Variants in GRM5 observed in about 807,000 individuals in gnomAD.
GRM5 encodes the protein glutamate metabotropic receptor 5.
Under a neutral mutation model 83.1 loss-of-function variants are expected in GRM5, and 19 were observed. That is an observed-to-expected ratio of 0.23 (90% CI 0.16 to 0.34). GRM5 has a LOEUF of 0.34. Ranked by LOEUF, GRM5 falls within the 10% of genes least tolerant of loss-of-function variation. The pLI, the probability that GRM5 is intolerant of heterozygous loss-of-function variation, is 1.00. For synonymous variants in GRM5, 675 were observed against 633.6 expected (o/e 1.07, Z -0.98); for missense variants, 1,160 against 1,588.3 (o/e 0.73, Z 4.58).
At chr11:88,540,913 A>AT (rs556487889) in intron 8 of GRM5, among the ~76,000 whole-genome samples, 2,082 of 147,432 alleles carry the variant, frequency 0.014, 75 homozygotes, top group Admixed American at 0.072. Flanking sequence ...CGCCTGGTTA[A>AT]TTTTTTTTTT....
At chr11:89,017,044 C>T (rs1940876779) in intron 2 of GRM5, among the ~76,000 whole-genome samples, 1 of 152,158 alleles carries the variant, frequency 6.6e-6, no homozygotes, top group South Asian at 2.1e-4. Flanking sequence ...TTTATGACTA[C>T]ACAGAGGTAG....
chr11:88,885,180 G>T (rs980584835), intron 2 of GRM5, among the ~76,000 whole-genome samples: 1 of 151,650 alleles, frequency 6.6e-6, no homozygotes, highest in Non-Finnish European at 1.5e-5. Context: ...GTTTAAATCA[G>T]TTTAAATATA....
chr11:88,769,835 C>T (rs1942695478), intron 3 of GRM5, among the ~76,000 whole-genome samples: 1 of 151,944 alleles, frequency 6.6e-6, no homozygotes, highest in South Asian at 2.1e-4. Context: ...AATGCTTCAT[C>T]CTAAAGGAGG....
At chr11:88,690,271 C>T (rs11020963) in intron 3 of GRM5, among the ~76,000 whole-genome samples, 22,093 of 152,040 alleles carry the variant, frequency 0.15, 2,012 homozygotes, top group Middle Eastern at 0.21. Flanking sequence ...TTGCTTTACC[C>T]TGAATTTCAG....
At chr11:88,554,142 T>C (rs1942571816) in intron 8 of GRM5, among the ~76,000 whole-genome samples, 1 of 152,166 alleles carries the variant, frequency 6.6e-6, no homozygotes, top group Non-Finnish European at 1.5e-5. Flanking sequence ...GCTACATTCC[T>C]TTCTGGAGGC....
intron 3 of GRM5, among the ~76,000 whole-genome samples, chr11:88,848,856 T>C (rs112686491): frequency 6.6e-6 from 1 of 152,174 alleles, no homozygotes; most frequent in Non-Finnish European, 1.5e-5. Context: ...CCCTCTCTAA[T>C]ATGGATGGAC....
chr11:88,845,654 T>C (rs2135535385), intron 3 of GRM5, among the ~76,000 whole-genome samples: 1 of 151,822 alleles, frequency 6.6e-6, no homozygotes, highest in South Asian at 2.1e-4. Flanking sequence ...AGGATGGTCT[T>C]GATCTCCTGA....
intron 2 of GRM5, among the ~76,000 whole-genome samples, chr11:88,975,593 T>C (rs1210851456): frequency 6.6e-6 from 1 of 152,180 alleles, no homozygotes; most frequent in Non-Finnish European, 1.5e-5. Flanking sequence ...GCCAGAAACA[T>C]TGGCATCACC....
intron 9 of GRM5, among the ~76,000 whole-genome samples, chr11:88,521,990 C>T (rs940344390): frequency 6.6e-6 from 1 of 152,218 alleles, no homozygotes; most frequent in African/African-American, 2.4e-5. Context: ...TCATAGAGTA[C>T]TGTCCATTCT....
chr11:88,650,809 G>T (rs1380454005), intron 4 of GRM5, among the ~76,000 whole-genome samples: 1 of 151,898 alleles, frequency 6.6e-6, no homozygotes, highest in Non-Finnish European at 1.5e-5. Flanking sequence ...CTAAACTCTA[G>T]ACAAATCTGA....
chr11:88,873,607 G>A (rs917459219), intron 2 of GRM5, among the ~76,000 whole-genome samples: 7 of 151,496 alleles, frequency 4.6e-5, no homozygotes, highest in African/African-American at 1.2e-4. Flanking sequence ...ATGCTCCTGG[G>A]CAACTAATGA....
At chr11:88,988,189 A>G (rs1741585483) in intron 2 of GRM5, among the ~76,000 whole-genome samples, 1 of 152,032 alleles carries the variant, frequency 6.6e-6, no homozygotes, top group African/African-American at 2.4e-5. Flanking sequence ...CTGAAAACCA[A>G]GGCTCGAGAA....
At chr11:88,562,943 C>T (rs533972394) in intron 8 of GRM5, among the ~76,000 whole-genome samples, 5 of 152,170 alleles carry the variant, frequency 3.3e-5, no homozygotes, top group East Asian at 3.9e-4. Flanking sequence ...AACTATATTA[C>T]AACCATTAGT....
intron 3 of GRM5, among the ~76,000 whole-genome samples, chr11:88,818,195 C>T (rs911660855): frequency 4.6e-5 from 7 of 152,114 alleles, no homozygotes; most frequent in African/African-American, 1.2e-4. Flanking sequence ...TTTTATAATG[C>T]CTTGGAGGAC....
intron 4 of GRM5, among the ~76,000 whole-genome samples, chr11:88,636,394 C>T (rs1470785860): frequency 6.6e-6 from 1 of 152,034 alleles, no homozygotes; most frequent in Non-Finnish European, 1.5e-5. Flanking sequence ...CTCCTGTAAT[C>T]CCAGATACTC....
chr11:88,653,638 A>C (rs1939694170), intron 3 of GRM5, among the ~76,000 whole-genome samples: 1 of 151,982 alleles, frequency 6.6e-6, no homozygotes, highest in Admixed American at 6.6e-5. Flanking sequence ...ACTTACCTTA[A>C]ACTGCAGAAA....
At chr11:89,027,005 G>A (rs1941142826) in intron 2 of GRM5, among the ~76,000 whole-genome samples, 1 of 152,112 alleles carries the variant, frequency 6.6e-6, no homozygotes, top group African/African-American at 2.4e-5. Context: ...ACAGAGACAA[G>A]TTTTCCTTTC....
chr11:88,952,094 C>T (rs1184451461), intron 2 of GRM5, among the ~76,000 whole-genome samples: 1 of 147,196 alleles, frequency 6.8e-6, no homozygotes, highest in African/African-American at 2.5e-5. Flanking sequence ...AGCAAAGTCT[C>T]GCTCTCTTCC....
chr11:88,944,796 A>G (rs549123210), intron 2 of GRM5, among the ~76,000 whole-genome samples: 1 of 152,056 alleles, frequency 6.6e-6, no homozygotes, highest in South Asian at 2.1e-4. Context: ...CCCCTAGAGA[A>G]CTAGAACAAG....
Sources: allele counts gnomAD v4.1 joint callset (sites outside exome capture counted in the v4.1 genomes callset), GRCh38; gene constraint gnomAD v4.1.1; transcripts MANE v1.5; gene names NCBI Gene and HGNC (gene_info 2026-07-23, HGNC 2026-07-21).